Variants in CRPPA observed in about 807,000 individuals in gnomAD.
CRPPA encodes CDP-L-ribitol pyrophosphorylase A, also known as D-ribitol-5-phosphate cytidylyltransferase.
Under a neutral mutation model 52.0 loss-of-function variants are expected in CRPPA, and 43 were observed. The observed-to-expected ratio is 0.83, with a 90% confidence interval of 0.65 to 1.07. CRPPA has a LOEUF of 1.07. Ranked by LOEUF, CRPPA falls within the 50% of genes least tolerant of loss-of-function variation. The probability of loss-of-function intolerance (pLI) is 0.00; values close to 1 mark genes in which losing one functional copy is unlikely to be tolerated. For synonymous variants in CRPPA, 250 were observed against 203.5 expected, an observed-to-expected ratio of 1.23 and a Z score of -1.94; for missense variants, 629 against 551.7, an observed-to-expected ratio of 1.14 and a Z score of -1.40.
intron 8 of CRPPA, among the ~76,000 whole-genome samples, chr7:16,254,979 T>G (rs925714318): frequency 6.6e-6 from 1 of 152,046 alleles, no homozygotes; most frequent in Non-Finnish European, 1.5e-5. Flanking sequence ...GGTATTCAAT[T>G]AGGAAAAGAG....
At chr7:16,147,530 T>C (rs1253958488) in intron 9 of CRPPA, among the ~76,000 whole-genome samples, 1 of 152,206 alleles carries the variant, frequency 6.6e-6, no homozygotes, top group Non-Finnish European at 1.5e-5. Context: ...CACTTACTTA[T>C]CTTTGTTCAA....
chr7:16,244,136 T>C (rs1783201383), intron 8 of CRPPA, among the ~76,000 whole-genome samples: 3 of 150,720 alleles, frequency 2.0e-5, no homozygotes, highest in Non-Finnish European at 4.4e-5. Flanking sequence ...AAAGTCTCAA[T>C]TTTTTTTTTC....
At chr7:16,362,689 T>C (rs1786487869) in intron 3 of CRPPA, among the ~76,000 whole-genome samples, 1 of 152,194 alleles carries the variant, frequency 6.6e-6, no homozygotes, top group Non-Finnish European at 1.5e-5. Context: ...AATGAAACAC[T>C]GTATCTCAAT....
At chr7:16,149,138 T>C (rs528960114) in intron 9 of CRPPA, among the ~76,000 whole-genome samples, 1 of 152,328 alleles carries the variant, frequency 6.6e-6, no homozygotes, top group South Asian at 2.1e-4. Context: ...ACTATGAATA[T>C]ACATATGGTT....
rs190340461 is a variant in CRPPA, at chr7:16,383,815, T to C, written c.535-7574A>G. 3.1e-3 allele frequency among the ~76,000 whole-genome samples: 471 copies of C among 152,302 alleles called. 3 individuals are homozygous for C. The highest frequency in any genetic ancestry group is 4.5e-3 in the Non-Finnish European group (307 of 68,030). ...CCTCCAAGCCATGTGCGGGATATAA[T>C]CTCCTGGTGTGCCGTTTTTTAAGCC... On this transcript the variant is annotated intron_variant, in intron 2 of 9. Transcript: ENST00000407010.
rs148156026 is a variant in CRPPA at position 16,150,381 on chromosome 7, G to A, written c.1252-58582C>T. ...AGAATAGATATCCTCAACATTAACC[G>A]AACAGCTATGCATTGGAAGATGTTA... On this transcript the variant is annotated intron_variant, in intron 9 of 9. Coordinates refer to ENST00000407010, the MANE Select transcript of CRPPA (RefSeq NM_001101426.4). Among the ~76,000 whole-genome samples, 854 of 151,906 alleles carry A rather than the reference G, an allele frequency of 5.6e-3. 7 individuals carry two copies. Among genetic ancestry groups the A allele is most frequent in the African/African-American group, 0.019 (792 of 41,440 alleles).
At position 16,278,296 on chromosome 7, in the gene CRPPA, T is replaced by A. The variant is rs1171612412; in HGVS notation, c.836-70A>T. On this transcript the variant is annotated intron_variant, in intron 5 of 9. Coordinates refer to ENST00000407010, the MANE Select transcript of CRPPA (RefSeq NM_001101426.4). ...AACAAGGCCCTAGGATGCTGAAACA[T>A]AAACTTACCTGATGTTCTTAGCTGT... 1.1e-5 allele frequency: 8 copies of A among 741,080 alleles called. No individual in the cohort carries two copies. In the East Asian group the frequency reaches 2.1e-4, roughly 20 times the overall value. 45.9% of individuals were successfully genotyped at this position (741,080 alleles called of 1,614,324 possible).
chr7:16,243,571 A>G (rs1783184736), intron 8 of CRPPA, among the ~76,000 whole-genome samples: 1 of 152,222 alleles, frequency 6.6e-6, no homozygotes, highest in South Asian at 2.1e-4. Context: ...ATAAAGGAGA[A>G]TAATGACTGA....
Position 16,294,075 on chromosome 7 carries a change from C to A in CRPPA, c.835+7346G>T, listed in dbSNP as rs529069845. On this transcript the variant is annotated intron_variant, in intron 5 of 9. Coordinates refer to ENST00000407010, the MANE Select transcript of CRPPA (RefSeq NM_001101426.4). Reference sequence around the variant, plus strand: ...TGTTCTCTACTCATCAGAGCTGTATCAATACCATACTTTTTTTTTCTTTTC... The same window carrying A: ...TGTTCTCTACTCATCAGAGCTGTATAAATACCATACTTTTTTTTTCTTTTC... Among the ~76,000 whole-genome samples the A allele has an allele frequency of 7.9e-5, 12 of 152,024 alleles. No homozygotes were observed. The East Asian group carries it at 2.3e-3, about 29-fold the overall frequency.
At chr7:16,270,934 G>A (rs1045077994) in intron 6 of CRPPA, among the ~76,000 whole-genome samples, 4 of 151,804 alleles carry the variant, frequency 2.6e-5, no homozygotes, top group African/African-American at 4.8e-5. Flanking sequence ...TATGTCATAC[G>A]GTGAATTTAC....
chr7:16,152,299 T>C (rs1783090634), intron 9 of CRPPA, among the ~76,000 whole-genome samples: 1 of 151,974 alleles, frequency 6.6e-6, no homozygotes, highest in African/African-American at 2.4e-5. Flanking sequence ...GTACAGAGTA[T>C]TATAAAATAT....
At chr7:16,183,762 G>C (rs1781454475) in intron 9 of CRPPA, among the ~76,000 whole-genome samples, 1 of 152,076 alleles carries the variant, frequency 6.6e-6, no homozygotes, top group African/African-American at 2.4e-5. Context: ...TGATAGAACA[G>C]AGAATGCTCA....
At chr7:16,415,280 T>C (rs1461604966) in intron 1 of CRPPA, among the ~76,000 whole-genome samples, 1 of 152,198 alleles carries the variant, frequency 6.6e-6, no homozygotes, top group Non-Finnish European at 1.5e-5. Flanking sequence ...ACTCCTTGAT[T>C]TTAGAAGAAT....
intron 8 of CRPPA, among the ~76,000 whole-genome samples, chr7:16,217,643 T>G (rs1782367604): frequency 6.8e-6 from 1 of 146,000 alleles, no homozygotes; most frequent in South Asian, 2.3e-4. Flanking sequence ...ACGTGAAGAA[T>G]GCAGAAGCCT....
At chr7:16,252,198 T>C (rs1783475145) in intron 8 of CRPPA, among the ~76,000 whole-genome samples, 1 of 152,028 alleles carries the variant, frequency 6.6e-6, no homozygotes, top group South Asian at 2.1e-4. Flanking sequence ...AAAAAGCCTA[T>C]CCACTGCAAT....
rs1781845331 is a variant in CRPPA, at chr7:16,091,872, C to CT, written c.1252-74dup. On this transcript the variant is annotated intron_variant, in intron 9 of 9. Coordinates refer to ENST00000407010, the MANE Select transcript of CRPPA (RefSeq NM_001101426.4). ...ATGTGTTAAGTTTGATAAAAAGCCA[C>CT]TTTTCAAGATCTGCTGCGGTCTGGA... The CT allele has an allele frequency of 3.5e-6, 3 of 865,744 alleles. No individual in the cohort carries two copies. In the Admixed American group the frequency reaches 1.1e-4, roughly 32 times the overall value. The allele number at this position is 865,744 out of a possible 1,614,324, so 53.6% of individuals were successfully genotyped here. A position where few individuals can be genotyped will look rare whatever the true frequency, so the allele number is the denominator to read the frequency against.
At position 16,342,798 on chromosome 7, in the gene CRPPA, T is replaced by TAGATATATAGATATATAGATATA. The variant is rs1491461185; in HGVS notation, c.684+33293_684+33294insTATATCTATATATCTATATATCT. ...AAAAAAAAAAATATATATATATATA[T>TAGATATATAGATATATAGATATA]CTATATAGATATATAGATATACATA... On this transcript the variant is annotated intron_variant, in intron 3 of 9. Transcript: ENST00000407010. Among the ~76,000 whole-genome samples, 9 of 101,254 alleles carry TAGATATATAGATATATAGATATA rather than the reference T, an allele frequency of 8.9e-5. 1 individual carries two copies. The highest frequency in any genetic ancestry group is 3.7e-4 in the African/African-American group (9 of 24,544). 66.4% of individuals were successfully genotyped at this position (101,254 alleles called of 152,430 possible).
intron 8 of CRPPA, among the ~76,000 whole-genome samples, chr7:16,220,678 T>C (rs1468154231): frequency 8.3e-5 from 12 of 143,916 alleles, no homozygotes; most frequent in African/African-American, 3.1e-4. Context: ...AAATCATGAG[T>C]GAACTCCCAT....
intron 1 of CRPPA, among the ~76,000 whole-genome samples, chr7:16,407,086 G>A (rs1241896387): frequency 2.0e-5 from 3 of 152,038 alleles, no homozygotes; most frequent in Admixed American, 6.6e-5. Flanking sequence ...AACGATTCTC[G>A]TGCCTCAGCC....
Sources: gnomAD v4.1 joint callset for allele counts (sites outside exome capture counted in the v4.1 genomes callset) on GRCh38, gnomAD v4.1.1 for gene constraint, MANE v1.5 for transcripts, NCBI Gene and HGNC (gene_info 2026-07-23, HGNC 2026-07-21) for gene names.